The following GRHL2 variants were observed in gnomAD, a reference collection of about 807,000 sequenced individuals.
GRHL2 encodes grainyhead like transcription factor 2.
Under a neutral mutation model 83.8 loss-of-function variants are expected in GRHL2, and 21 were observed. The ratio of observed to expected loss-of-function variants is 0.25; its 90% CI spans 0.18 to 0.36. GRHL2 has a LOEUF of 0.36. Among genes scored for constraint, GRHL2 ranks in the 10% least tolerant of loss-of-function variants. GRHL2 has a pLI of 1.00. For missense variants in GRHL2, 623 were observed against 781.8 expected, an observed-to-expected ratio of 0.80 and a Z score of 2.42; for synonymous variants, 280 against 278.9, an observed-to-expected ratio of 1.00 and a Z score of -0.04.
rs112112627 is a variant in GRHL2 at position 101,651,925 on chromosome 8, G to C, written c.1698+2426G>C. Among the ~76,000 whole-genome samples the C allele has an allele frequency of 2.9e-3, 438 of 152,346 alleles. 2 individuals carry two copies. The highest frequency in any genetic ancestry group is 5.1e-3 in the Non-Finnish European group (345 of 68,034). The stretch of plus-strand genomic sequence containing the variant: ...TTATGCAAATGGGAAAGCTGTGCAA[G>C]AGAAGTTCCTCCAGGATCCTCGGGT... On this transcript the variant is annotated intron_variant, in intron 14 of 15. Transcript: ENST00000646743.
At chr8:101,552,026 G>T (rs1455890546) in intron 2 of GRHL2, among the ~76,000 whole-genome samples, 1 of 151,898 alleles carries the variant, frequency 6.6e-6, no homozygotes. Flanking sequence ...TAGTAGAGAC[G>T]GGGTTTCACT....
chr8:101,593,198 G>T (rs982342673), intron 7 of GRHL2, among the ~76,000 whole-genome samples: 1 of 151,884 alleles, frequency 6.6e-6, no homozygotes, highest in Non-Finnish European at 1.5e-5. Flanking sequence ...CACCTGTCTC[G>T]GCCTCCCAAA....
At chr8:101,670,084 A>G (rs1412810605), downstream of GRHL2, among the ~76,000 whole-genome samples, 2 of 152,162 alleles carry the variant, frequency 1.3e-5, no homozygotes, top group Admixed American at 6.5e-5. Context: ...CTGCTTCCTT[A>G]GTTCACCTGC....
At chr8:101,621,083 C>T (rs1812955637) in intron 9 of GRHL2, among the ~76,000 whole-genome samples, 1 of 152,128 alleles carries the variant, frequency 6.6e-6, no homozygotes, top group Non-Finnish European at 1.5e-5. Context: ...ACTCTGTGAA[C>T]ACACCAGATG....
intron 1 of GRHL2, among the ~76,000 whole-genome samples, chr8:101,493,767 C>T (rs562134488): frequency 9.9e-5 from 15 of 152,136 alleles, no homozygotes; most frequent in African/African-American, 3.4e-4. Context: ...GCGTCCTTCC[C>T]GTCCCGGACA....
chr8:101,501,035 T>C (rs905862444), intron 1 of GRHL2, among the ~76,000 whole-genome samples: 1 of 152,230 alleles, frequency 6.6e-6, no homozygotes, highest in Non-Finnish European at 1.5e-5. Flanking sequence ...ATTTGCCACA[T>C]ACAATACTAA....
intron 1 of GRHL2, among the ~76,000 whole-genome samples, chr8:101,523,171 C>T (rs1810726771): frequency 6.6e-6 from 1 of 152,020 alleles, no homozygotes; most frequent in African/African-American, 2.4e-5. Flanking sequence ...CTCGGCCTCC[C>T]AAAGTGCTGG....
chr8:101,654,010 G>A (rs1813732109), intron 14 of GRHL2, among the ~76,000 whole-genome samples: 1 of 152,188 alleles, frequency 6.6e-6, no homozygotes, highest in Non-Finnish European at 1.5e-5. Context: ...CACATTCTGC[G>A]AAGGTAGTTT....
chr8:101,538,197 ATG>A (rs1811084357), intron 1 of GRHL2, among the ~76,000 whole-genome samples: 1 of 152,172 alleles, frequency 6.6e-6, no homozygotes, highest in Admixed American at 6.5e-5. Flanking sequence ...GGAAAATGTT[ATG>A]TGTTAAGCTT....
intron 1 of GRHL2, among the ~76,000 whole-genome samples, chr8:101,508,930 G>C (rs1259213112): frequency 6.6e-6 from 1 of 152,042 alleles, no homozygotes; most frequent in African/African-American, 2.4e-5. Flanking sequence ...CCATTCTTCA[G>C]ATAATTAGTT....
At chr8:101,501,942 A>T (rs1260761019) in intron 1 of GRHL2, among the ~76,000 whole-genome samples, 1 of 152,108 alleles carries the variant, frequency 6.6e-6, no homozygotes, top group Non-Finnish European at 1.5e-5. Flanking sequence ...TTCTTAAACC[A>T]TGAACGTGAG....
intron 7 of GRHL2, among the ~76,000 whole-genome samples, chr8:101,590,940 T>A (rs147881289): frequency 1.3e-5 from 2 of 152,098 alleles, no homozygotes; most frequent in African/African-American, 4.8e-5. Context: ...TCCAAAAATA[T>A]ATACAAAAAT....
At chr8:101,500,345 CA>C (rs1810200071) in intron 1 of GRHL2, among the ~76,000 whole-genome samples, 1 of 152,150 alleles carries the variant, frequency 6.6e-6, no homozygotes. Context: ...ATTTCAGATT[CA>C]CCCTACCATC....
intron 4 of GRHL2, among the ~76,000 whole-genome samples, chr8:101,559,885 G>C (rs1811572599): frequency 6.6e-6 from 1 of 152,176 alleles, no homozygotes; most frequent in South Asian, 2.1e-4. Flanking sequence ...TCTGCCTACT[G>C]TCACTATAGT....
intron 4 of GRHL2, among the ~76,000 whole-genome samples, chr8:101,561,515 C>T (rs1215008922): frequency 6.6e-6 from 1 of 152,134 alleles, no homozygotes; most frequent in African/African-American, 2.4e-5. Flanking sequence ...TGTCATTATG[C>T]TCTTCTAAGA....
chr8:101,670,479 C>T (rs1466868014), downstream of GRHL2, among the ~76,000 whole-genome samples: 1 of 152,226 alleles, frequency 6.6e-6, no homozygotes, highest in Non-Finnish European at 1.5e-5. Flanking sequence ...TGTGCCTAGA[C>T]CAGGGACTGG....
intron 13 of GRHL2, among the ~76,000 whole-genome samples, chr8:101,647,705 A>G (rs1208301431): frequency 1.3e-5 from 2 of 152,102 alleles, no homozygotes; most frequent in Non-Finnish European, 2.9e-5. Context: ...TTTGGTAAAA[A>G]GAAGAGACTC....
Position 101,492,529 on chromosome 8 carries a change from C to A in GRHL2, c.-241C>A. Reference sequence around the variant, plus strand: ...CCAGGAGGACTCCGCGCCGCCCGGCCGCCTCCGAGCTCGGGCCCCATGTGA... The same window carrying A: ...CCAGGAGGACTCCGCGCCGCCCGGCAGCCTCCGAGCTCGGGCCCCATGTGA... On this transcript the variant is annotated 5_prime_UTR_variant, in exon 1 of 16. Transcript: ENST00000646743. 1 of 613,068 alleles carries A rather than the reference C, an allele frequency of 1.6e-6. No individual in the cohort carries two copies. The allele number at this position is 613,068 out of a possible 1,614,324, so 38.0% of individuals were successfully genotyped here. A position where few individuals can be genotyped will look rare whatever the true frequency, so the allele number is the denominator to read the frequency against.
intron 1 of GRHL2, among the ~76,000 whole-genome samples, chr8:101,495,391 G>A (rs544975204): frequency 3.2e-4 from 49 of 152,274 alleles, no homozygotes; most frequent in Non-Finnish European, 6.3e-4. Flanking sequence ...AGATTGAAAC[G>A]TTCTGCTTTT....
Sources: allele counts gnomAD v4.1 joint callset (sites outside exome capture counted in the v4.1 genomes callset), GRCh38; gene constraint gnomAD v4.1.1; transcripts MANE v1.5; gene names NCBI Gene and HGNC (gene_info 2026-07-23, HGNC 2026-07-21).